ZKSCAN3: variants seen among roughly 807,000 people sequenced by gnomAD.
The protein encoded by ZKSCAN3 is zinc finger with KRAB and SCAN domains 3, also known as zinc finger protein with KRAB and SCAN domains 3.
ZKSCAN3 carries 21 observed loss-of-function variants against 30.7 expected under a neutral mutation model. The ratio of observed to expected loss-of-function variants is 0.68; its 90% CI spans 0.49 to 0.99. The LOEUF is 0.99. Ranked by LOEUF, ZKSCAN3 falls within the 50% of genes least tolerant of loss-of-function variation. ZKSCAN3 has a pLI of 0.00. For synonymous variants in ZKSCAN3, 201 were observed against 246.7 expected (o/e 0.81, Z 1.73); for missense variants, 507 against 647.1 (o/e 0.78, Z 2.35).
At chr6:28,355,235 G>A (rs994821441) in intron 1 of ZKSCAN3, 2 of 152,184 alleles carry the variant, frequency 1.3e-5, no homozygotes, top group Non-Finnish European at 2.9e-5. Context: ...ATACTTTGCT[G>A]TTCCAAGTAG....
Position 28,366,268 on chromosome 6 carries a change from A to G in ZKSCAN3, c.1600A>G (p.Asn534Asp), listed in dbSNP as rs755702694. 4 of 1,534,938 alleles carry G rather than the reference A, an allele frequency of 2.6e-6. No individual in the cohort carries two copies. The highest frequency in any genetic ancestry group is 3.5e-6 in the Non-Finnish European group (4 of 1,146,566). ...ACATCAGAGAAGCCATGTAGGGAAA[A>G]ACATCCTATCACAGTGACCCATGCC... is the stretch of plus-strand genomic sequence containing the variant. ...VQHQRSHVGK[N>D]ILSQ Residue 534 changes from asparagine to aspartate, a missense_variant, in exon 6 of 6, where the codon AAC (asparagine) becomes GAC (aspartate). Coordinates refer to ENST00000252211, the MANE Select transcript of ZKSCAN3 (RefSeq NM_024493.4).
Position 28,364,650 on chromosome 6 carries a change from A to G in ZKSCAN3, c.758-776A>G, listed in dbSNP as rs568045528. 3.3e-5 allele frequency among the ~76,000 whole-genome samples: 5 copies of G among 152,340 alleles called. No homozygotes were observed. The East Asian group carries it at 5.8e-4, about 18-fold the overall frequency. ...TGGGGACCCTGCCTCTGCCTGGGAT[A>G]TGAACCGAGACAACTGTCTTTATCG... is the stretch of plus-strand genomic sequence containing the variant. On this transcript the variant is annotated intron_variant, in intron 5 of 5. Coordinates refer to ENST00000252211, the MANE Select transcript of ZKSCAN3 (RefSeq NM_024493.4).
At chr6:28,350,592 G>T (rs1203985984) in intron 1 of ZKSCAN3, among the ~76,000 whole-genome samples, 1 of 152,146 alleles carries the variant, frequency 6.6e-6, no homozygotes. Flanking sequence ...TGTGAGGATT[G>T]AATGCATTCG....
intron 1 of ZKSCAN3, chr6:28,356,169 G>A (rs1765408456): frequency 6.6e-6 from 1 of 152,202 alleles, no homozygotes; most frequent in African/African-American, 2.4e-5. Context: ...CCTGGCACCT[G>A]GGTCAGTTCC....
At chr6:28,360,190 C>G in intron 2 of ZKSCAN3, 1 of 900,700 alleles carries the variant, frequency 1.1e-6, no homozygotes, top group South Asian at 1.8e-5. Context: ...TAAAGGATTA[C>G]AAAAGAACGC....
intron 1 of ZKSCAN3, among the ~76,000 whole-genome samples, chr6:28,353,106 C>T (rs1217936759): frequency 6.6e-6 from 1 of 151,852 alleles, no homozygotes; most frequent in African/African-American, 2.4e-5. Context: ...GTAGCTGAGA[C>T]TATAGGCGCA....
chr6:28,360,318 C>A (rs552849243), intron 2 of ZKSCAN3, among the ~76,000 whole-genome samples: 4 of 152,222 alleles, frequency 2.6e-5, no homozygotes, highest in Admixed American at 2.6e-4. Context: ...AATTACAAAG[C>A]AGTGATAAGT....
Position 28,351,746 on chromosome 6 carries a change from CT to C in ZKSCAN3, c.-63+1682del, listed in dbSNP as rs942392381. 2.0e-5 allele frequency among the ~76,000 whole-genome samples: 3 copies of C among 151,140 alleles called. No individual in the cohort carries two copies. The highest frequency in any genetic ancestry group is 7.3e-5 in the African/African-American group (3 of 40,822). ...CCTTTCCTTCCCTCCCTCTCCCCCT[CT>C]TTATCTCTTTTTTTTCCTCATTTCG... On this transcript the variant is annotated intron_variant, in intron 1 of 5. Coordinates refer to ENST00000252211, the MANE Select transcript of ZKSCAN3 (RefSeq NM_024493.4). The surrounding 1 kb of genome is among the most constrained non-coding windows in gnomAD (Gnocchi z 4.6).
At chr6:28,363,646 C>T (rs1427418630) in intron 4 of ZKSCAN3, 46 bp from the exon 5 acceptor site, 2 of 1,610,684 alleles carry the variant, frequency 1.2e-6, no homozygotes, top group Non-Finnish European at 1.7e-6. Context: ...CCCCACTCCA[C>T]CATTTTGGTC....
intron 2 of ZKSCAN3, chr6:28,360,403 T>A (rs1045194385): frequency 4.2e-6 from 1 of 239,286 alleles, no homozygotes; most frequent in African/African-American, 2.3e-5. Context: ...GGGTACTGCT[T>A]ATGCTACATT....
chr6:28,354,172 C>A (rs1439246937), intron 1 of ZKSCAN3: 1 of 349,056 alleles, frequency 2.9e-6, no homozygotes, highest in Non-Finnish European at 5.7e-6. Context: ...CTTACAGGGT[C>A]AGCAGTTTTT....
At position 28,351,296 on chromosome 6, in the gene ZKSCAN3, G is replaced by A. The variant is rs946438528; in HGVS notation, c.-63+1229G>A. ...GAATAAATGATATAAATGTATCAGTGTTGTTTTCCTGCCATAGACTTCCTC... is the reference window on the plus strand; with the variant it reads ...GAATAAATGATATAAATGTATCAGTATTGTTTTCCTGCCATAGACTTCCTC... On this transcript the variant is annotated intron_variant, in intron 1 of 5. Coordinates refer to ENST00000252211, the MANE Select transcript of ZKSCAN3 (RefSeq NM_024493.4). This position sits in a 1 kb window ranked among gnomAD's most constrained non-coding sequence, Gnocchi z 4.6. Among the ~76,000 whole-genome samples, 1 of 152,104 alleles carries A rather than the reference G, an allele frequency of 6.6e-6. No homozygotes were observed. Among genetic ancestry groups the A allele is most frequent in the South Asian group, 2.1e-4 (1 of 4,828 alleles).
intron 1 of ZKSCAN3, among the ~76,000 whole-genome samples, chr6:28,357,414 G>A (rs557984604): frequency 6.6e-6 from 1 of 152,332 alleles, no homozygotes; most frequent in South Asian, 2.1e-4. Flanking sequence ...CCTGGCTTCA[G>A]AACACTTAAC....
intron 1 of ZKSCAN3, among the ~76,000 whole-genome samples, chr6:28,358,899 G>GAAAAAAAACAAAAA (rs1765600976): frequency 9.4e-6 from 1 of 106,076 alleles, no homozygotes; most frequent in African/African-American, 3.3e-5. Context: ...AAACAAATAA[G>GAAAAAAAACAAAAA]AAAAAAAAAA....
In ZKSCAN3 at chr6:28,350,084, A is replaced by ATATGTGTGTGTG. The variant is rs1764871475; in HGVS notation, c.-63+18_-63+19insATGTGTGTGTGT. 6.7e-6 allele frequency: 1 copy of ATATGTGTGTGTG among 148,696 alleles called. No individual in the cohort carries two copies. The highest frequency in any genetic ancestry group is 1.5e-5 in the Non-Finnish European group (1 of 67,156). 9.2% of individuals were successfully genotyped at this position (148,696 alleles called of 1,614,324 possible). On this transcript the variant is annotated intron_variant, in intron 1 of 5. Transcript: ENST00000252211. ...CGGGTAGAGGTGCGTTTGCAGGAGTATGTGTGTGTGTGTGTGTGTGTGTGT... is the reference window on the plus strand; with the variant it reads ...CGGGTAGAGGTGCGTTTGCAGGAGTATATGTGTGTGTGTGTGTGTGTGTGTGTGTGTGTGTGT...
chr6:28,354,319 C>T (rs1448191787), intron 1 of ZKSCAN3: 1 of 218,752 alleles, frequency 4.6e-6, no homozygotes. Flanking sequence ...CGCCTGCGTT[C>T]CAAACTCGCT....
chr6:28,363,583 G>T, intron 4 of ZKSCAN3, 109 bp from the exon 5 acceptor site: 12 of 1,551,802 alleles, frequency 7.7e-6, no homozygotes, highest in Non-Finnish European at 1.0e-5. Flanking sequence ...GGCTTTTCCT[G>T]TTTATTACTA....
Position 28,365,984 on chromosome 6 carries a change from C to T in ZKSCAN3, c.1316C>T (p.Ser439Leu). 1.2e-6 allele frequency: 2 copies of T among 1,614,186 alleles called. No individual in the cohort carries two copies. The highest frequency in any genetic ancestry group is 1.1e-5 in the South Asian group (1 of 91,076). ...SMCGKAFRRS[S>L]HLLRHQRIHT... ...TGTGGCAAAGCCTTTAGGCGAAGTT[C>T]ACATCTCCTGAGACATCAGAGGATC... Residue 439 changes from serine to leucine, a missense_variant, in exon 6 of 6, where the codon TCA becomes TTA. Physicochemically the swap from Ser to Leu is moderately radical, Grantham distance 145. Transcript: ENST00000252211.
At chr6:28,363,468 C>T (rs1020188522) in intron 4 of ZKSCAN3, 83 bp downstream of exon 4, 46 of 1,381,608 alleles carry the variant, frequency 3.3e-5, no homozygotes, top group Non-Finnish European at 4.4e-5. Flanking sequence ...CCATTCCCCT[C>T]CACCCCAATC....
Sources: gnomAD v4.1 joint callset for allele counts (sites outside exome capture counted in the v4.1 genomes callset) on GRCh38, gnomAD v4.1.1 for gene constraint, Gnocchi (gnomAD v3.1) non-coding constraint, MANE v1.5 for transcripts, NCBI Gene and HGNC (gene_info 2026-07-23, HGNC 2026-07-21) for gene names.